Variants in GRHL2 observed in about 807,000 individuals in gnomAD.
GRHL2 encodes the protein grainyhead-like protein 2 homolog.
In GRHL2, 21 loss-of-function variants were observed where a neutral mutation model predicts 83.8. The ratio of observed to expected loss-of-function variants is 0.25; its 90% confidence interval spans 0.18 to 0.36. GRHL2 has a LOEUF of 0.36. Among genes scored for constraint, GRHL2 ranks in the 10% least tolerant of loss-of-function variants. The pLI is 1.00. For missense variants in GRHL2, 623 were observed against 781.8 expected (o/e 0.80, Z 2.42); for synonymous variants, 280 against 278.9 (o/e 1.00, Z -0.04).
intron 12 of GRHL2, among the ~76,000 whole-genome samples, chr8:101,643,755 G>A (rs1813450809): frequency 6.6e-6 from 1 of 152,262 alleles, no homozygotes; most frequent in Admixed American, 6.5e-5. Context: ...CAGCTGGTTG[G>A]GAGGGGACGA....
At chr8:101,646,561 G>A (rs1199141060) in intron 13 of GRHL2, among the ~76,000 whole-genome samples, 1 of 152,196 alleles carries the variant, frequency 6.6e-6, no homozygotes, top group African/African-American at 2.4e-5. Flanking sequence ...AGCATCCACT[G>A]AGCTGGTCTT....
At chr8:101,535,260 T>G (rs933689079) in intron 1 of GRHL2, among the ~76,000 whole-genome samples, 7 of 152,106 alleles carry the variant, frequency 4.6e-5, no homozygotes, top group Non-Finnish European at 8.8e-5. Context: ...CCAGTCTGAG[T>G]GTGTAGGTGT....
intron 7 of GRHL2, among the ~76,000 whole-genome samples, chr8:101,580,467 T>C (rs1812026849): frequency 6.6e-6 from 1 of 152,274 alleles, no homozygotes; most frequent in South Asian, 2.1e-4. Flanking sequence ...TCCCCGTCAC[T>C]CTTCCCAGCC....
chr8:101,565,633 C>T (rs1811701483), intron 4 of GRHL2, among the ~76,000 whole-genome samples: 2 of 152,152 alleles, frequency 1.3e-5, no homozygotes, highest in Admixed American at 6.6e-5. Flanking sequence ...TCATACTTTA[C>T]TGACTTTAGT....
intron 12 of GRHL2, 113 bp from the exon 13 acceptor site, chr8:101,644,018 A>G: frequency 2.2e-6 from 2 of 904,618 alleles, no homozygotes; most frequent in South Asian, 2.8e-5. Flanking sequence ...AGATCCAGTT[A>G]CGGAGCATAG....
chr8:101,626,416 C>T (rs1036431905), intron 9 of GRHL2, among the ~76,000 whole-genome samples: 8 of 152,058 alleles, frequency 5.3e-5, no homozygotes, highest in Admixed American at 4.6e-4. Flanking sequence ...TATATAGCTA[C>T]ATACATAGAT....
chr8:101,618,801 A>AG (rs1812905433), intron 8 of GRHL2, among the ~76,000 whole-genome samples: 1 of 152,244 alleles, frequency 6.6e-6, no homozygotes, highest in African/African-American at 2.4e-5. Flanking sequence ...ACAAATAACT[A>AG]GTTTCAATGC....
rs200592171 is a variant in GRHL2, at chr8:101,649,491, A to T, written c.1690A>T (p.Met564Leu). Residue 564 changes from methionine to leucine, a missense_variant, in exon 14 of 16, where the codon ATG (methionine) becomes TTG (leucine). Physicochemically the swap from Met to Leu is conservative, Grantham distance 15. This residue lies in a region of GRHL2 where 210 missense variants were observed against 254.8 expected (regional missense o/e 0.82). Coordinates refer to ENST00000646743, the MANE Select transcript of GRHL2 (RefSeq NM_024915.4). ...MLKSPTVKGL[M>L]EAISEKYGLP... is the part of the protein sequence containing the mutation. ...GAAGTCTCCCACAGTGAAGGGCCTG[A>T]TGGAAGCGGTAAGCCATATACTCCT... 1.5e-4 allele frequency: 249 copies of T among 1,613,074 alleles called. No individual in the cohort carries two copies. The highest frequency in any genetic ancestry group is 2.0e-4 in the Non-Finnish European group (235 of 1,179,122).
chr8:101,508,798 A>G (rs1810390772), intron 1 of GRHL2, among the ~76,000 whole-genome samples: 1 of 152,174 alleles, frequency 6.6e-6, no homozygotes, highest in Non-Finnish European at 1.5e-5. Flanking sequence ...CTATAGCCAG[A>G]CACAAAGCTG....
intron 7 of GRHL2, among the ~76,000 whole-genome samples, chr8:101,578,332 T>C (rs1418583751): frequency 6.6e-6 from 1 of 152,164 alleles, no homozygotes; most frequent in East Asian, 1.9e-4. Flanking sequence ...CACAGCAGAA[T>C]TGCTGCCAGA....
chr8:101,501,528 C>A (rs1810228651), intron 1 of GRHL2, among the ~76,000 whole-genome samples: 1 of 152,094 alleles, frequency 6.6e-6, no homozygotes, highest in Non-Finnish European at 1.5e-5. Context: ...CAGAAGGGAG[C>A]AGGAAGAAAC....
At chr8:101,604,702 C>G (rs932427813) in intron 8 of GRHL2, among the ~76,000 whole-genome samples, 1 of 152,230 alleles carries the variant, frequency 6.6e-6, no homozygotes, top group South Asian at 2.1e-4. Context: ...TTCCATGAAG[C>G]TTTTTTTAAA....
At chr8:101,569,959 G>A (rs1008083327) in intron 4 of GRHL2, among the ~76,000 whole-genome samples, 3 of 152,082 alleles carry the variant, frequency 2.0e-5, no homozygotes, top group South Asian at 2.1e-4. Flanking sequence ...TTTTTGCTGC[G>A]CTATATGACC....
chr8:101,571,421 G>A (rs924328403), intron 5 of GRHL2, among the ~76,000 whole-genome samples: 8 of 150,830 alleles, frequency 5.3e-5, no homozygotes, highest in Admixed American at 2.6e-4. Context: ...TTGGGAGGCC[G>A]AGGTGGGAGG....
At chr8:101,629,514 A>G (rs774699254) in intron 9 of GRHL2, among the ~76,000 whole-genome samples, 16 of 152,120 alleles carry the variant, frequency 1.1e-4, no homozygotes, top group African/African-American at 3.6e-4. Context: ...ATGCTTGTAT[A>G]TAAATCTTGA....
intron 1 of GRHL2, among the ~76,000 whole-genome samples, chr8:101,495,963 A>G (rs1214024716): frequency 1.3e-5 from 2 of 152,134 alleles, no homozygotes; most frequent in Non-Finnish European, 2.9e-5. Context: ...CCTGATCAAC[A>G]TAGTGAAACC....
intron 1 of GRHL2, among the ~76,000 whole-genome samples, chr8:101,521,455 A>G (rs1319756649): frequency 6.6e-6 from 1 of 152,186 alleles, no homozygotes; most frequent in Admixed American, 6.5e-5. Flanking sequence ...TGGCTACCAC[A>G]TGGTCCCCAT....
At chr8:101,664,574 C>A in intron 15 of GRHL2, 56 bp downstream of exon 15, 1 of 1,261,262 alleles carries the variant, frequency 7.9e-7, no homozygotes. Context: ...CCACATGATG[C>A]CTTAAAAATA....
At chr8:101,584,644 T>G (rs1812125764) in intron 7 of GRHL2, among the ~76,000 whole-genome samples, 1 of 152,240 alleles carries the variant, frequency 6.6e-6, no homozygotes, top group African/African-American at 2.4e-5. Context: ...TGGCTTTGGA[T>G]GAGCCCTACA....
Sources: gnomAD v4.1 joint callset for allele counts (sites outside exome capture counted in the v4.1 genomes callset) on GRCh38, gnomAD v4.1.1 for gene constraint, gnomAD v4.1.1 regional missense constraint, MANE v1.5 for transcripts, NCBI Gene and HGNC (gene_info 2026-07-23, HGNC 2026-07-21) for gene names.